Variants in NFIB observed in about 807,000 individuals in gnomAD.
NFIB encodes nuclear factor I B.
Under a neutral mutation model 61.5 loss-of-function variants are expected in NFIB, and 11 were observed. That is an observed-to-expected ratio of 0.18 (90% CI 0.11 to 0.30). The LOEUF is 0.30. Among genes scored for constraint, NFIB ranks in the 10% least tolerant of loss-of-function variants. The pLI, the probability that NFIB is intolerant of heterozygous loss-of-function variation, is 1.00. For missense variants in NFIB, 471 were observed against 608.9 expected (o/e 0.77, Z 2.38); for synonymous variants, 260 against 216.5 (o/e 1.20, Z -1.76).
chr9:14,390,014 C>T (rs2061601506), intron 1 of NFIB, among the ~76,000 whole-genome samples: 1 of 152,174 alleles, frequency 6.6e-6, no homozygotes, highest in Non-Finnish European at 1.5e-5. Flanking sequence ...TAGATTAGAA[C>T]TACTAACTAA....
intron 2 of NFIB, among the ~76,000 whole-genome samples, chr9:14,229,995 G>A (rs1043416630): frequency 6.6e-6 from 1 of 152,162 alleles, no homozygotes; most frequent in Non-Finnish European, 1.5e-5. Context: ...TAGAGACAGG[G>A]TTTCTCCAAT....
the NFIB span, among the ~76,000 whole-genome samples, chr9:14,481,642 C>T: frequency 1.3e-5 from 2 of 152,088 alleles, no homozygotes; most frequent in African/African-American, 2.4e-5. Flanking sequence ...TGCCTGACCA[C>T]CTGCAAACTA....
At position 14,267,570 on chromosome 9, in the gene NFIB, T is replaced by A. The variant is rs1267428109; in HGVS notation, c.562+39419A>T. On this transcript the variant is annotated intron_variant, in intron 2 of 10. Transcript: ENST00000380953. ...AGACCTTAGCCAACAAAGACCCCCA[T>A]ACCCCATTTTCACTTTAATCTATGT... 2.0e-5 allele frequency among the ~76,000 whole-genome samples: 3 copies of A among 152,204 alleles called. No homozygotes were observed. In the East Asian group the frequency reaches 5.8e-4, roughly 29 times the overall value.
At chr9:14,345,897 T>A (rs1439292293) in intron 1 of NFIB, among the ~76,000 whole-genome samples, 2 of 152,138 alleles carry the variant, frequency 1.3e-5, no homozygotes, top group Admixed American at 1.3e-4. Context: ...CGGTTTTGCT[T>A]CTCCTCGGGT....
chr9:14,153,415 T>C (rs1469819326), intron 4 of NFIB, among the ~76,000 whole-genome samples: 3 of 152,198 alleles, frequency 2.0e-5, no homozygotes, highest in East Asian at 3.9e-4. Context: ...CAAAGATCAG[T>C]GTTAGCGCCT....
chr9:14,444,332 A>T, the NFIB span, among the ~76,000 whole-genome samples: 2 of 152,216 alleles, frequency 1.3e-5, no homozygotes, highest in Admixed American at 6.5e-5. Context: ...TTCAACATAG[A>T]TCATCAAACC....
chr9:14,204,217 ATC>A lies in NFIB; in HGVS notation c.563-24439_563-24438del, dbSNP rs2049370134. On this transcript the variant is annotated intron_variant, in intron 2 of 10. Coordinates refer to ENST00000380953, the MANE Select transcript of NFIB (RefSeq NM_001190737.2). ...CACAGGCCTCAAAATTTGAGGAATG[ATC>A]TCTCTTTTCCCGCCGTCCACTGCCC... is the stretch of plus-strand genomic sequence containing the variant. 7.4e-6 allele frequency: 4 copies of A among 541,176 alleles called. No homozygotes were observed. In the South Asian group the frequency reaches 8.5e-5, roughly 12 times the overall value. The allele number at this position is 541,176 out of a possible 1,614,324, so 33.5% of individuals were successfully genotyped here.
intron 6 of NFIB, among the ~76,000 whole-genome samples, chr9:14,127,425 T>A (rs1427986545): frequency 6.6e-6 from 1 of 152,232 alleles, no homozygotes; most frequent in Non-Finnish European, 1.5e-5. Context: ...ACTTCGGCAA[T>A]GATCAACTCA....
chr9:14,192,381 C>T (rs926611900), intron 2 of NFIB, among the ~76,000 whole-genome samples: 1 of 152,130 alleles, frequency 6.6e-6, no homozygotes, highest in Admixed American at 6.6e-5. Flanking sequence ...AATTCCCCTG[C>T]CCCAAACAAT....
chr9:14,325,805 AAAAC>A (rs1330317817), intron 1 of NFIB, among the ~76,000 whole-genome samples: 3 of 152,162 alleles, frequency 2.0e-5, no homozygotes, highest in African/African-American at 7.2e-5. Flanking sequence ...ACCATCTTTT[AAAAC>A]AATTGGATAT....
chr9:14,240,330 C>T (rs993275263), intron 2 of NFIB, among the ~76,000 whole-genome samples: 1 of 152,066 alleles, frequency 6.6e-6, no homozygotes, highest in African/African-American at 2.4e-5. Flanking sequence ...TATCTTTATA[C>T]TCCAATTTCC....
At chr9:14,137,168 T>A (rs1444972995) in intron 6 of NFIB, among the ~76,000 whole-genome samples, 1 of 152,178 alleles carries the variant, frequency 6.6e-6, no homozygotes, top group Non-Finnish European at 1.5e-5. Context: ...AAAATAAATG[T>A]TGCTGTCTGG....
chr9:14,452,447 GA>G, the NFIB span, among the ~76,000 whole-genome samples: 500 of 126,030 alleles, frequency 4.0e-3, 43 homozygotes, highest in African/African-American at 0.012. Context: ...GGAAGGAAAG[GA>G]AAGGAAAGGA....
chr9:14,324,084 A>G (rs1453861487), intron 1 of NFIB, among the ~76,000 whole-genome samples: 1 of 152,212 alleles, frequency 6.6e-6, no homozygotes, highest in Non-Finnish European at 1.5e-5. Context: ...ACATGTAGCT[A>G]TCTCCACACT....
chr9:14,158,262 C>G (rs959402401), intron 3 of NFIB, among the ~76,000 whole-genome samples: 1 of 152,078 alleles, frequency 6.6e-6, no homozygotes. Flanking sequence ...CCTCCTGCAG[C>G]TCCCTGAGAT....
At position 14,346,288 on chromosome 9, in the gene NFIB, A is replaced by ACCC. The variant is rs1455937583; in HGVS notation, c.109-38769_109-38768insGGG. Among the ~76,000 whole-genome samples the ACCC allele has an allele frequency of 4.0e-3, 286 of 71,832 alleles. 4 individuals carry two copies. The highest frequency in any genetic ancestry group is 6.0e-3 in the Non-Finnish European group (156 of 25,960). 47.1% of individuals were successfully genotyped at this position (71,832 alleles called of 152,430 possible). On this transcript the variant is annotated intron_variant, in intron 1 of 8. Coordinates refer to the NFIB transcript ENST00000380934. ...TATCCGCAGTCACACGAGGTAACCG[A>ACCC]CACCCCCCCCCCGTAACCTGAGCTA...
At chr9:14,432,130 G>A in the NFIB span, among the ~76,000 whole-genome samples, 1 of 152,212 alleles carries the variant, frequency 6.6e-6, no homozygotes, top group Non-Finnish European at 1.5e-5. Context: ...GATTGGTCCA[G>A]TGATGGACAC....
At chr9:14,101,464 C>T (rs1414464954) in intron 10 of NFIB, among the ~76,000 whole-genome samples, 11 of 152,070 alleles carry the variant, frequency 7.2e-5, no homozygotes, top group Non-Finnish European at 7.4e-5. Context: ...GATAGGCAGA[C>T]GATCTACAAC....
chr9:14,302,465 A>G (rs1283292588), intron 2 of NFIB, among the ~76,000 whole-genome samples: 1 of 152,182 alleles, frequency 6.6e-6, no homozygotes, highest in Non-Finnish European at 1.5e-5. Flanking sequence ...ACCCAACAAG[A>G]GATCATAATT....
Sources: allele counts gnomAD v4.1 joint callset (sites outside exome capture counted in the v4.1 genomes callset), GRCh38; gene constraint gnomAD v4.1.1; transcripts MANE v1.5; gene names NCBI Gene and HGNC (gene_info 2026-07-23, HGNC 2026-07-21).